The following NCKAP5 variants were observed in gnomAD, a reference collection of about 807,000 sequenced individuals.
NCKAP5 encodes the protein nck-associated protein 5.
A neutral mutation model predicts 167.0 loss-of-function variants in NCKAP5; 92 were observed. That is an observed-to-expected ratio of 0.55 (90% confidence interval 0.47 to 0.66). The LOEUF (loss-of-function observed/expected upper bound fraction) is 0.66. Among genes scored for constraint, NCKAP5 ranks in the 30% least tolerant of loss-of-function variants. NCKAP5 has a pLI of 0.00. For synonymous variants in NCKAP5, 891 were observed against 877.4 expected, an observed-to-expected ratio of 1.02 and a Z score of -0.27; for missense variants, 2,378 against 2,315.0, an observed-to-expected ratio of 1.03 and a Z score of -0.56.
intron 16 of NCKAP5, among the ~76,000 whole-genome samples, chr2:132,738,960 G>A (rs1288835368): frequency 6.6e-6 from 1 of 152,130 alleles, no homozygotes; most frequent in East Asian, 1.9e-4. Context: ...AACAATGGGG[G>A]TCACAATTCA....
intron 6 of NCKAP5, among the ~76,000 whole-genome samples, chr2:133,072,384 C>T (rs1370266861): frequency 1.3e-5 from 2 of 152,132 alleles, no homozygotes; most frequent in Non-Finnish European, 2.9e-5. Flanking sequence ...TCACCTTTTC[C>T]AGGGAGCACT....
rs775303373 is a variant in NCKAP5 at position 132,785,175 on chromosome 2, A to G, written c.1636T>C (p.Leu546=). 1 of 1,593,312 alleles carries G rather than the reference A, an allele frequency of 6.3e-7. No homozygotes were observed. Among genetic ancestry groups the G allele is most frequent in the South Asian group, 1.1e-5 (1 of 87,650 alleles). The change falls in exon 14 of 20, where the codon TTA becomes CTA. Residue 546 remains leucine, a synonymous_variant. Transcript: ENST00000409261. ...ACACTTGGGCACAGCTTCATCTCTA[A>G]GGGACAGCTGCTGGCGCAACTTGTC... ...KLTSCASSCP[L]EMKLCPSVQT... is the part of the protein sequence containing the mutation.
At chr2:132,997,526 T>C (rs1471724704) in intron 6 of NCKAP5, among the ~76,000 whole-genome samples, 1 of 151,994 alleles carries the variant, frequency 6.6e-6, no homozygotes, top group East Asian at 1.9e-4. Context: ...ATCTATTTGG[T>C]AGATGAGAAA....
rs1438819390 is a variant in NCKAP5, at chr2:132,784,962, G to C, written c.1849C>G (p.Leu617Val). The change falls in exon 14 of 20, where the codon CTG becomes GTG. Residue 617 changes from leucine to valine, a missense_variant. By Grantham distance (32) the Leu-to-Val change is conservative (BLOSUM62 1). Coordinates refer to ENST00000409261, the MANE Select transcript of NCKAP5 (RefSeq NM_207363.3). ...TTTCCAAACCCCACAAGGACATCCA[G>C]GTTCTCCACGGACTTATCGGTGTCG... ...AADTDKSVEN[L>V]DVLVGFGKSL... 1 of 1,611,802 alleles carries C rather than the reference G, an allele frequency of 6.2e-7. No individual in the cohort carries two copies. Among genetic ancestry groups the C allele is most frequent in the African/African-American group, 1.3e-5 (1 of 74,840 alleles).
rs542298093 is a variant in NCKAP5 at position 132,731,957 on chromosome 2, C to T, written c.5223G>A (p.Gln1741=). 1 of 1,613,880 alleles carries T rather than the reference C, an allele frequency of 6.2e-7. No homozygotes were observed. Among genetic ancestry groups the T allele is most frequent in the South Asian group, 1.1e-5 (1 of 91,082 alleles). ...GNRSTGRYLC[Q]PDSPEDAEPL... ...GCTCAGCGTCCTCTGGGGAGTCTGG[C>T]TGGCATAGGTAGCGTCCTGTCGAGC... The change falls in exon 17 of 20, where the codon CAG becomes CAA. Residue 1741 remains glutamine (Q), a synonymous_variant. Coordinates refer to ENST00000409261, the MANE Select transcript of NCKAP5 (RefSeq NM_207363.3).
chr2:133,650,640 C>T, the NCKAP5 span, among the ~76,000 whole-genome samples: 2 of 151,924 alleles, frequency 1.3e-5, no homozygotes, highest in South Asian at 2.1e-4. Context: ...TTTGGGAGGC[C>T]GAGGCAGGTG....
At chr2:132,739,606 A>C (rs1041336107) in intron 16 of NCKAP5, among the ~76,000 whole-genome samples, 6 of 152,184 alleles carry the variant, frequency 3.9e-5, no homozygotes, top group African/African-American at 1.4e-4. Context: ...CTGTAGGTAC[A>C]TAATACATAT....
chr2:132,789,237 C>G (rs182874482), intron 13 of NCKAP5, among the ~76,000 whole-genome samples: 2 of 152,118 alleles, frequency 1.3e-5, no homozygotes, highest in Admixed American at 1.3e-4. Context: ...ATTCACAAAG[C>G]GAGGAAACAT....
At chr2:132,841,997 T>TA (rs1370747394) in intron 11 of NCKAP5, among the ~76,000 whole-genome samples, 1 of 152,166 alleles carries the variant, frequency 6.6e-6, no homozygotes, top group African/African-American at 2.4e-5. Flanking sequence ...ATTTTGGTAT[T>TA]AAAGTTATGC....
chr2:133,129,470 C>T (rs992133694), intron 6 of NCKAP5, among the ~76,000 whole-genome samples: 2 of 152,176 alleles, frequency 1.3e-5, no homozygotes, highest in African/African-American at 4.8e-5. Context: ...GTATATGTGC[C>T]ACATTTTCTT....
intron 3 of NCKAP5, among the ~76,000 whole-genome samples, chr2:133,413,539 T>C (rs1688908924): frequency 6.6e-6 from 1 of 152,048 alleles, no homozygotes; most frequent in Non-Finnish European, 1.5e-5. Flanking sequence ...GAAGGGTGCC[T>C]GGCATCTTTC....
At chr2:133,330,959 C>T (rs1682812143) in intron 3 of NCKAP5, among the ~76,000 whole-genome samples, 1 of 152,128 alleles carries the variant, frequency 6.6e-6, no homozygotes, top group African/African-American at 2.4e-5. Flanking sequence ...TCATTTAATA[C>T]ATACACAGAC....
At chr2:132,882,320 T>C (rs1691823601) in intron 8 of NCKAP5, among the ~76,000 whole-genome samples, 1 of 152,060 alleles carries the variant, frequency 6.6e-6, no homozygotes, top group African/African-American at 2.4e-5. Flanking sequence ...TTCTAGTCGC[T>C]TTCAGTGGAA....
intron 5 of NCKAP5, among the ~76,000 whole-genome samples, chr2:133,195,749 G>T (rs2150099286): frequency 6.6e-6 from 1 of 152,224 alleles, no homozygotes; most frequent in Admixed American, 6.5e-5. Flanking sequence ...CAACCCATAA[G>T]AGAAGCCTCT....
chr2:133,073,457 C>T (rs1000564977), intron 6 of NCKAP5, among the ~76,000 whole-genome samples: 2 of 152,154 alleles, frequency 1.3e-5, no homozygotes, highest in Non-Finnish European at 2.9e-5. Context: ...TGTAGACCAT[C>T]GTGCAAGTCT....
chr2:133,107,728 C>A (rs2081759637), intron 6 of NCKAP5, among the ~76,000 whole-genome samples: 1 of 152,052 alleles, frequency 6.6e-6, no homozygotes, highest in Non-Finnish European at 1.5e-5. Flanking sequence ...AAGCTCAAAT[C>A]TGGTAGGGGA....
intron 5 of NCKAP5, among the ~76,000 whole-genome samples, chr2:133,199,177 A>AT (rs1456877010): frequency 2.0e-5 from 3 of 152,132 alleles, no homozygotes; most frequent in East Asian, 3.9e-4. Context: ...ACAAAACAAT[A>AT]TTTTTTGTAA....
At chr2:132,745,495 A>G (rs1345104263) in intron 16 of NCKAP5, among the ~76,000 whole-genome samples, 1 of 151,856 alleles carries the variant, frequency 6.6e-6, no homozygotes, top group Non-Finnish European at 1.5e-5. Context: ...ATAACACCAT[A>G]TTTGAAAAAA....
At chr2:133,293,896 G>C (rs1375163921) in intron 4 of NCKAP5, among the ~76,000 whole-genome samples, 3 of 152,160 alleles carry the variant, frequency 2.0e-5, no homozygotes, top group Admixed American at 2.0e-4. Context: ...ACTTGGCTGA[G>C]AATACAGCTA....
Sources: allele counts gnomAD v4.1 joint callset (sites outside exome capture counted in the v4.1 genomes callset), GRCh38; gene constraint gnomAD v4.1.1; transcripts MANE v1.5; gene names NCBI Gene and HGNC (gene_info 2026-07-23, HGNC 2026-07-21).